PDZRN3: variants seen among roughly 807,000 people sequenced by gnomAD.
PDZRN3 encodes PDZ domain containing ring finger 3.
Under a neutral mutation model 85.7 loss-of-function variants are expected in PDZRN3, and 38 were observed. That is an observed-to-expected ratio of 0.44 (90% CI 0.34 to 0.58). PDZRN3 has a LOEUF of 0.58. Ranked by LOEUF, PDZRN3 falls within the 20% of genes least tolerant of loss-of-function variation. The pLI is 0.01. For synonymous variants in PDZRN3, 759 were observed against 638.0 expected, an observed-to-expected ratio of 1.19 and a Z score of -2.86; for missense variants, 1,629 against 1,506.4, an observed-to-expected ratio of 1.08 and a Z score of -1.35.
chr3:73,548,578 A>T lies in PDZRN3; in HGVS notation c.918+53776T>A, dbSNP rs550059455. The stretch of plus-strand genomic sequence containing the variant: ...GGAGAGGGAGTGGGCAGACATCCAT[A>T]TTGTAAGATTGGTAATCTTGGCCTC... On this transcript the variant is annotated intron_variant, in intron 3 of 9. Coordinates refer to ENST00000263666, the MANE Select transcript of PDZRN3 (RefSeq NM_015009.3). Among the ~76,000 whole-genome samples the T allele has an allele frequency of 3.9e-5, 6 of 152,292 alleles. No homozygotes were observed. In the East Asian group the frequency reaches 1.2e-3, roughly 29 times the overall value.
At chr3:73,497,739 C>T (rs1031726109) in intron 3 of PDZRN3, among the ~76,000 whole-genome samples, 3 of 152,162 alleles carry the variant, frequency 2.0e-5, no homozygotes, top group Non-Finnish European at 4.4e-5. Flanking sequence ...ACAGATTTGT[C>T]TCCATATATA....
chr3:73,550,420 A>G (rs1464227052), intron 3 of PDZRN3, among the ~76,000 whole-genome samples: 4 of 152,204 alleles, frequency 2.6e-5, no homozygotes, highest in African/African-American at 7.2e-5. Flanking sequence ...GTTTTTAAAA[A>G]CAATCAATAC....
rs767966147 is a variant in PDZRN3 at position 73,602,456 on chromosome 3, G to T, written c.816C>A (p.Asn272Lys). ...TTCCTTCACTGGATGATCCATCGTG[G>T]TTATCCTTTGGGTTAAAAAAAAAAA... ...NIIGGRPSVD[N>K]HDGSSSEGIF... is the part of the protein sequence containing the mutation. The change falls in exon 3 of 10, where the codon AAC (asparagine) becomes AAA (lysine). Residue 272 changes from asparagine to lysine, a missense_variant. By Grantham distance (94) the Asn-to-Lys change is moderately conservative (BLOSUM62 0). Transcript: ENST00000263666. 38 of 1,493,896 alleles carry T rather than the reference G, an allele frequency of 2.5e-5. No homozygotes were observed. In the South Asian group the frequency reaches 4.4e-4, roughly 17 times the overall value. The allele number at this position is 1,493,896 out of a possible 1,614,324, so 92.5% of individuals were successfully genotyped here. A position where few individuals can be genotyped will look rare whatever the true frequency, so the allele number is the denominator to read the frequency against.
At chr3:73,504,082 AATT>A (rs1426270358) in intron 3 of PDZRN3, among the ~76,000 whole-genome samples, 2 of 152,326 alleles carry the variant, frequency 1.3e-5, no homozygotes, top group East Asian at 3.9e-4. Flanking sequence ...TATAAACAGA[AATT>A]AATATTACAC....
chr3:73,459,718 T>C (rs1036158320), intron 3 of PDZRN3, among the ~76,000 whole-genome samples: 4 of 152,244 alleles, frequency 2.6e-5, no homozygotes, highest in African/African-American at 9.6e-5. Flanking sequence ...TATTTCATGG[T>C]GTATATGTAC....
intron 2 of PDZRN3, among the ~76,000 whole-genome samples, chr3:73,608,377 G>C (rs112187787): frequency 3.0e-5 from 4 of 134,458 alleles, no homozygotes; most frequent in African/African-American, 1.6e-4. Flanking sequence ...AAACCAAACA[G>C]TTTAAATTAG....
At chr3:73,596,831 A>G (rs1160278423) in intron 3 of PDZRN3, among the ~76,000 whole-genome samples, 2 of 152,242 alleles carry the variant, frequency 1.3e-5, no homozygotes, top group Non-Finnish European at 2.9e-5. Context: ...AGGGACCATT[A>G]GCAAGATCAG....
chr3:73,384,351 C>T lies in PDZRN3; in HGVS notation c.2215G>A (p.Glu739Lys), dbSNP rs777681755. 9 of 1,609,860 alleles carry T rather than the reference C, an allele frequency of 5.6e-6. 1 individual carries two copies. In the African/African-American group the frequency reaches 8.0e-5, roughly 14 times the overall value. ...GGGAGCTCGGTGATATCTGAGAGCT[C>T]GTGTCTGCGCACGTCGATGCTGGTG... ...YNTSIDVRRH[E>K]LSDITELPEK... The change falls in exon 10 of 10, where the codon GAG becomes AAG. Residue 739 changes from glutamate to lysine, a missense_variant. Physicochemically the swap from Glu to Lys is moderately conservative, Grantham distance 56 (BLOSUM62 1). Transcript: ENST00000263666.
At chr3:73,483,959 T>C (rs1459915204) in intron 3 of PDZRN3, among the ~76,000 whole-genome samples, 1 of 152,114 alleles carries the variant, frequency 6.6e-6, no homozygotes, top group African/African-American at 2.4e-5. Flanking sequence ...ATCAAGGTTT[T>C]AGAAAAATTT....
chr3:73,405,610 G>A (rs1701837324), intron 3 of PDZRN3, among the ~76,000 whole-genome samples: 1 of 152,170 alleles, frequency 6.6e-6, no homozygotes, highest in African/African-American at 2.4e-5. Context: ...AAGTTTTTCT[G>A]GAGAACACTG....
intron 3 of PDZRN3, among the ~76,000 whole-genome samples, chr3:73,503,176 G>T (rs1034128491): frequency 6.6e-6 from 1 of 152,166 alleles, no homozygotes; most frequent in Admixed American, 6.5e-5. Context: ...CCATTTAAAA[G>T]AAATTAAACT....
At chr3:73,428,561 T>C (rs1295054916) in intron 3 of PDZRN3, among the ~76,000 whole-genome samples, 1 of 152,138 alleles carries the variant, frequency 6.6e-6, no homozygotes, top group Non-Finnish European at 1.5e-5. Flanking sequence ...GCAGGGCACC[T>C]TGGAATACTT....
intron 3 of PDZRN3, among the ~76,000 whole-genome samples, chr3:73,421,184 C>T (rs1702194284): frequency 6.6e-6 from 1 of 152,138 alleles, no homozygotes; most frequent in Non-Finnish European, 1.5e-5. Flanking sequence ...AGAGCCTACA[C>T]TGTGCCATAC....
At chr3:73,574,993 C>A (rs554437376) in intron 3 of PDZRN3, among the ~76,000 whole-genome samples, 1 of 152,224 alleles carries the variant, frequency 6.6e-6, no homozygotes, top group Admixed American at 6.5e-5. Context: ...AAGTGTTGTA[C>A]AAGAGAGCAA....
chr3:73,551,845 G>A (rs1454368080), intron 3 of PDZRN3, among the ~76,000 whole-genome samples: 1 of 152,108 alleles, frequency 6.6e-6, no homozygotes, highest in Non-Finnish European at 1.5e-5. Context: ...GTTTATACCT[G>A]CATGTGATTT....
chr3:73,602,435 T>C lies in PDZRN3; in HGVS notation c.837A>G (p.Glu279=), dbSNP rs769610406. 6.2e-7 allele frequency: 1 copy of C among 1,605,058 alleles called. No homozygotes were observed. Among genetic ancestry groups the C allele is most frequent in the South Asian group, 1.1e-5 (1 of 90,742 alleles). Residue 279 remains glutamate (E), a synonymous_variant, in exon 3 of 10, where the codon GAA becomes GAG. Transcript: ENST00000263666. ...SVDNHDGSSS[E]GIFVSKIVDS... ...CAACTATCTTGGATACAAAGATTCC[T>C]TCACTGGATGATCCATCGTGGTTAT...
At chr3:73,602,870 C>A (rs1007295100) in intron 2 of PDZRN3, among the ~76,000 whole-genome samples, 1 of 152,218 alleles carries the variant, frequency 6.6e-6, no homozygotes, top group Non-Finnish European at 1.5e-5. Context: ...TGAAGATCTT[C>A]TGCTACCAAT....
At chr3:73,469,856 G>C (rs1703298751) in intron 3 of PDZRN3, among the ~76,000 whole-genome samples, 1 of 152,080 alleles carries the variant, frequency 6.6e-6, no homozygotes, top group African/African-American at 2.4e-5. Flanking sequence ...AAAATATCTT[G>C]GTAGCTTAAG....
At chr3:73,524,715 TTTAA>T (rs1704480328) in intron 3 of PDZRN3, among the ~76,000 whole-genome samples, 1 of 152,194 alleles carries the variant, frequency 6.6e-6, no homozygotes, top group Admixed American at 6.5e-5. Context: ...CAAGCTCCAG[TTTAA>T]TTAATTTCGA....
Sources: gnomAD v4.1 joint callset for allele counts (sites outside exome capture counted in the v4.1 genomes callset) on GRCh38, gnomAD v4.1.1 for gene constraint, MANE v1.5 for transcripts, NCBI Gene and HGNC (gene_info 2026-07-23, HGNC 2026-07-21) for gene names.